The following C4orf54 variants were observed in gnomAD, a reference collection of about 807,000 sequenced individuals.
C4orf54 encodes the protein chromosome 4 open reading frame 54.
Under a neutral mutation model 80.1 loss-of-function variants are expected in C4orf54, and 67 were observed. The observed-to-expected ratio is 0.84, with a 90% CI of 0.69 to 1.03. The LOEUF (loss-of-function observed/expected upper bound fraction) is 1.03, where lower values mean the gene tolerates loss of function less well. C4orf54 is among the 50% of genes least tolerant of loss of function. The probability of loss-of-function intolerance (pLI) is 0.00; values close to 1 mark genes in which losing one functional copy is unlikely to be tolerated. For synonymous variants in C4orf54, 1,000 were observed against 917.0 expected, an observed-to-expected ratio of 1.09 and a Z score of -1.64; for missense variants, 2,434 against 2,253.5, an observed-to-expected ratio of 1.08 and a Z score of -1.62.
At position 99,653,511 on chromosome 4, in the gene C4orf54, G is replaced by A; in HGVS notation, c.1138C>T (p.Gln380Ter). ...AGTCCCACGTCGAAATCCATGTCCT[G>A]TTCCACCTCACTCAGCTGGATCTCA... ...THEIQLSEVEQDMDFDVGLAS... is the reference protein window; with the variant it reads ...THEIQLSEVE The change falls in exon 2 of 3, where the codon CAG becomes TAG. Residue 380 changes from glutamine to a stop codon, truncating the protein, a stop_gained. Coordinates refer to ENST00000511828, the MANE Select transcript of C4orf54 (RefSeq NM_001354435.2). LOFTEE classifies it high-confidence loss of function. The A allele has an allele frequency of 6.5e-7, 1 of 1,536,092 alleles. No homozygotes were observed. Among genetic ancestry groups the A allele is most frequent in the Non-Finnish European group, 8.7e-7 (1 of 1,146,902 alleles).
rs1399311577 is a variant in C4orf54 at position 99,637,155 on chromosome 4, C to G, written c.*4078G>C. 1 of 152,094 alleles carries G rather than the reference C, an allele frequency of 6.6e-6. No homozygotes were observed. Among genetic ancestry groups the G allele is most frequent in the Non-Finnish European group, 1.5e-5 (1 of 68,034 alleles). The allele number at this position is 152,094 out of a possible 1,614,324, so 9.4% of individuals were successfully genotyped here. ...TGGAAAGGACTTTTTGCCATTAACA[C>G]TAGCCATAAAAAGCAATTATGAAAC... On this transcript the variant is annotated 3_prime_UTR_variant, in exon 3 of 3. Transcript: ENST00000511828.
In C4orf54 at chr4:99,641,827, G is replaced by GT. The variant is rs1005541891; in HGVS notation, c.*37-632dup. ...ATCTACCAGAACTTTGCCTAAGTAAGTTTTTTTTAACATTTGGGAGTTGAT... is the reference window on the plus strand; with the variant it reads ...ATCTACCAGAACTTTGCCTAAGTAAGTTTTTTTTTAACATTTGGGAGTTGAT... On this transcript the variant is annotated intron_variant, in intron 2 of 2. Transcript: ENST00000511828. Among the ~76,000 whole-genome samples, 44 of 151,920 alleles carry GT rather than the reference G, an allele frequency of 2.9e-4. 1 individual carries two copies. The highest frequency in any genetic ancestry group is 2.3e-3 in the South Asian group (11 of 4,810).
rs1726762959 is a variant in C4orf54 at position 99,649,588 on chromosome 4, C to T, written c.5061G>A (p.Leu1687=). The T allele has an allele frequency of 7.2e-6, 11 of 1,536,096 alleles. No homozygotes were observed. The highest frequency in any genetic ancestry group is 1.4e-5 in the African/African-American group (1 of 73,134). Reference sequence around the variant, plus strand: ...GTGTGGGCTGCAGAGCATTGGTGGGCAGCACGGTAGGCAGAAACCCAGGGT... The same window carrying T: ...GTGTGGGCTGCAGAGCATTGGTGGGTAGCACGGTAGGCAGAAACCCAGGGT... ...MIYPGFLPTV[L]PTNALQPTPI... The change falls in exon 2 of 3, where the codon CTG becomes CTA. Residue 1687 remains leucine (L), a synonymous_variant. Coordinates refer to ENST00000511828, the MANE Select transcript of C4orf54 (RefSeq NM_001354435.2).
Position 99,651,107 on chromosome 4 carries a change from C to T in C4orf54, c.3542G>A (p.Arg1181Lys). The change falls in exon 2 of 3, where the codon AGA (arginine) becomes AAA (lysine). Residue 1181 changes from arginine (R) to lysine (K), a missense_variant. Arg to Lys is a conservative substitution (Grantham distance 26). Transcript: ENST00000511828. Reference sequence around the variant, plus strand: ...TTCTGGGGAGGAAGAATTCAAGACTCTGCTGCCGCCCCCTTTGCCCATGCT... The same window carrying T: ...TTCTGGGGAGGAAGAATTCAAGACTTTGCTGCCGCCCCCTTTGCCCATGCT... ...RESMGKGGGS[R>K]VLNSSSPEGT... The T allele has an allele frequency of 2.0e-6, 3 of 1,536,186 alleles. No individual in the cohort carries two copies. In the South Asian group the frequency reaches 3.6e-5, roughly 18 times the overall value.
At position 99,651,434 on chromosome 4, in the gene C4orf54, T is replaced by A; in HGVS notation, c.3215A>T (p.Gln1072Leu). 6.5e-7 allele frequency: 1 copy of A among 1,536,342 alleles called. No individual in the cohort carries two copies. Residue 1072 changes from glutamine to leucine, a missense_variant, in exon 2 of 3, where the codon CAG becomes CTG. By Grantham distance (113) the Gln-to-Leu change is moderately radical. Transcript: ENST00000511828. ...GTTGTCCCCGCGGAAGAGTTTCTGC[T>A]GTGCCCTGCTGTTGTCCTCGATGGT... ...FKTIEDNSRA[Q>L]QKLFRGDNLE...
In C4orf54 at chr4:99,652,885, A is replaced by G; in HGVS notation, c.1764T>C (p.Ala588=). 1 of 1,536,114 alleles carries G rather than the reference A, an allele frequency of 6.5e-7. No homozygotes were observed. The highest frequency in any genetic ancestry group is 8.7e-7 in the Non-Finnish European group (1 of 1,146,902). ...TGGCCCCGCACCTGGTTTGCAGGCG[A>G]GCAGGTACAGCAATGAATTTCTTTG... ...DHAKKFIAVP[A]RLQTRCGAIR... Residue 588 remains alanine, a synonymous_variant, in exon 2 of 3, where the codon GCT becomes GCC. Transcript: ENST00000511828.
At chr4:99,648,662 A>G (rs1003503911) in intron 2 of C4orf54, among the ~76,000 whole-genome samples, 2 of 152,168 alleles carry the variant, frequency 1.3e-5, no homozygotes, top group Non-Finnish European at 2.9e-5. Context: ...AAGAGCTTAA[A>G]AAATACAGTC....
intron 2 of C4orf54, among the ~76,000 whole-genome samples, 179 bp from the exon 3 acceptor site, chr4:99,641,375 G>T (rs1269761712): frequency 6.6e-6 from 1 of 152,052 alleles, no homozygotes; most frequent in Non-Finnish European, 1.5e-5. Context: ...ATGTGTTTAT[G>T]AACTTACTAA....
Position 99,649,404 on chromosome 4 carries a change from G to C in C4orf54, c.5245C>G (p.Leu1749Val), listed in dbSNP as rs1168199448. 1 of 1,536,194 alleles carries C rather than the reference G, an allele frequency of 6.5e-7. No homozygotes were observed. Among genetic ancestry groups the C allele is most frequent in the South Asian group, 1.2e-5 (1 of 84,062 alleles). The part of the protein sequence containing the change: ...TSSAPAATSQ[L>V]LGAKAFAQLH... The stretch of plus-strand genomic sequence containing the variant: ...TGGGCAAAGGCCTTGGCCCCTAGGA[G>C]CTGGGATGTGGCTGCTGGGGCTGAG... Residue 1749 changes from leucine (L) to valine (V), a missense_variant, in exon 2 of 3, where the codon CTC becomes GTC. Leu to Val is a conservative substitution (Grantham distance 32). Transcript: ENST00000511828.
chr4:99,652,986 G>C lies in C4orf54; in HGVS notation c.1663C>G (p.Arg555Gly), dbSNP rs1168755490. 4.6e-6 allele frequency: 7 copies of C among 1,536,034 alleles called. No individual in the cohort carries two copies. In the East Asian group the frequency reaches 1.2e-4, roughly 27 times the overall value. The change falls in exon 2 of 3, where the codon CGC becomes GGC. Residue 555 changes from arginine (R) to glycine (G), a missense_variant. By Grantham distance (125) the Arg-to-Gly change is moderately radical (BLOSUM62 -2). Transcript: ENST00000511828. ...TTGTGTTCAGCAGCTGTAGAGACGCGGAGGCTCATGTCGCCTTCATGCTTG... is the reference window on the plus strand; with the variant it reads ...TTGTGTTCAGCAGCTGTAGAGACGCCGAGGCTCATGTCGCCTTCATGCTTG... ...AAKHEGDMSL[R>G]VSTAAEHNSS... is the part of the protein sequence containing the mutation.
At position 99,639,457 on chromosome 4, in the gene C4orf54, A is replaced by T. The variant is rs1467849316; in HGVS notation, c.*1776T>A. The T allele has an allele frequency of 6.6e-6, 1 of 152,182 alleles. No homozygotes were observed. The highest frequency in any genetic ancestry group is 1.5e-5 in the Non-Finnish European group (1 of 68,004). 9.4% of individuals were successfully genotyped at this position (152,182 alleles called of 1,614,324 possible). A position where few individuals can be genotyped will look rare whatever the true frequency, so the allele number is the denominator to read the frequency against. ...GAATTGATTGATGTGCCTGGGTAAG[A>T]AGACCTCTATGATAAAGAAATATCT... On this transcript the variant is annotated 3_prime_UTR_variant, in exon 3 of 3. Coordinates refer to ENST00000511828, the MANE Select transcript of C4orf54 (RefSeq NM_001354435.2).
In C4orf54 at chr4:99,652,993, C is replaced by A; in HGVS notation, c.1656G>T (p.Met552Ile). Residue 552 changes from methionine (M) to isoleucine (I), a missense_variant, in exon 2 of 3, where the codon ATG becomes ATT. Transcript: ENST00000511828. ...CAGCAGCTGTAGAGACGCGGAGGCTCATGTCGCCTTCATGCTTGGCAGCAT... is the reference window on the plus strand; with the variant it reads ...CAGCAGCTGTAGAGACGCGGAGGCTAATGTCGCCTTCATGCTTGGCAGCAT... ...IIYAAKHEGD[M>I]SLRVSTAAEH... 1 of 1,536,186 alleles carries A rather than the reference C, an allele frequency of 6.5e-7. No individual in the cohort carries two copies. Among genetic ancestry groups the A allele is most frequent in the Non-Finnish European group, 8.7e-7 (1 of 1,146,928 alleles).
chr4:99,653,839 T>G lies in C4orf54; in HGVS notation c.810A>C (p.Ser270=), dbSNP rs1726913872. ...SEEGGNFSSS[S]SSSPMNKAEE... The stretch of plus-strand genomic sequence containing the variant: ...CTGCTTTGTTCATCGGGGAGGAGGA[T>G]GAGGAAGATGAGAAATTGCCACCCT... The change falls in exon 2 of 3, where the codon TCA becomes TCC. Residue 270 remains serine, a synonymous_variant. Transcript: ENST00000511828. The G allele has an allele frequency of 1.3e-6, 2 of 1,535,936 alleles. No homozygotes were observed. The highest frequency in any genetic ancestry group is 1.4e-5 in the African/African-American group (1 of 72,966).
At position 99,652,867 on chromosome 4, in the gene C4orf54, G is replaced by A. The variant is rs985205363; in HGVS notation, c.1782C>T (p.Cys594=). The A allele has an allele frequency of 8.5e-6, 13 of 1,535,956 alleles. No homozygotes were observed. Among genetic ancestry groups the A allele is most frequent in the African/African-American group, 4.1e-5 (3 of 73,024 alleles). Residue 594 remains cysteine, a synonymous_variant, in exon 2 of 3, where the codon TGC becomes TGT. Transcript: ENST00000511828. ...IAVPARLQTR[C]GAIRAKELVD... ...CCAGCTCCTTCGCCCGGATGGCCCC[G>A]CACCTGGTTTGCAGGCGAGCAGGTA...
At position 99,653,569 on chromosome 4, in the gene C4orf54, G is replaced by T. The variant is rs13146743; in HGVS notation, c.1080C>A (p.Pro360=). Reference sequence around the variant, plus strand: ...TGATGTAGTGAGCCTCTTCGACTTTGGGGGGGTCCCTGCTGCCCTGGGACT... The same window carrying T: ...TGATGTAGTGAGCCTCTTCGACTTTTGGGGGGTCCCTGCTGCCCTGGGACT... ...IAKSQGSRDP[P]KVEEAHYITT... is the part of the protein sequence containing the mutation. The change falls in exon 2 of 3, where the codon CCC becomes CCA. Residue 360 remains proline (P), a synonymous_variant. Coordinates refer to ENST00000511828, the MANE Select transcript of C4orf54 (RefSeq NM_001354435.2). The T allele has an allele frequency of 1.3e-6, 2 of 1,534,068 alleles. No homozygotes were observed. The highest frequency in any genetic ancestry group is 1.2e-5 in the South Asian group (1 of 84,028).
chr4:99,653,693 C>G lies in C4orf54; in HGVS notation c.956G>C (p.Gly319Ala), dbSNP rs1215649879. 90 of 1,529,466 alleles carry G rather than the reference C, an allele frequency of 5.9e-5. No homozygotes were observed. The highest frequency in any genetic ancestry group is 7.7e-5 in the Non-Finnish European group (88 of 1,143,426). 94.7% of individuals were successfully genotyped at this position (1,529,466 alleles called of 1,614,324 possible). ...SGESEGCQAV[G>A]GEGEKISGGG... ...TCCTGATATTTTCTCTCCTTCTCCT[C>G]CCACGGCCTGGCAACCTTCACTTTC... Residue 319 changes from glycine (G) to alanine (A), a missense_variant, in exon 2 of 3, where the codon GGA (glycine) becomes GCA (alanine). Physicochemically the swap from Gly to Ala is moderately conservative, Grantham distance 60. Coordinates refer to ENST00000511828, the MANE Select transcript of C4orf54 (RefSeq NM_001354435.2).
rs533466050 is a variant in C4orf54, at chr4:99,644,024, C to T, written c.*37-2828G>A. Among the ~76,000 whole-genome samples the T allele has an allele frequency of 5.8e-4, 88 of 152,048 alleles. 1 individual carries two copies. The highest frequency in any genetic ancestry group is 2.1e-3 in the African/African-American group (87 of 41,448). ...GTTAGGTAGTGGGAAAGTCCTGACA[C>T]AAAGAACAAATAAGAGAAGAGGGAC... On this transcript the variant is annotated intron_variant, in intron 2 of 2. Transcript: ENST00000511828.
chr4:99,642,418 C>T (rs959682099), intron 2 of C4orf54, among the ~76,000 whole-genome samples: 9 of 152,054 alleles, frequency 5.9e-5, no homozygotes, highest in Admixed American at 3.3e-4. Context: ...AAGAAACAAT[C>T]GAGAGAGATT....
chr4:99,645,815 G>A (rs2110249771), intron 2 of C4orf54, among the ~76,000 whole-genome samples: 1 of 152,334 alleles, frequency 6.6e-6, no homozygotes, highest in East Asian at 1.9e-4. Flanking sequence ...GTACACTGGT[G>A]TGTTGCAATT....
Sources: gnomAD v4.1 joint callset for allele counts (sites outside exome capture counted in the v4.1 genomes callset) on GRCh38, gnomAD v4.1.1 for gene constraint, MANE v1.5 for transcripts, NCBI Gene and HGNC (gene_info 2026-07-23, HGNC 2026-07-21) for gene names.